The following RBFOX1 variants were observed in gnomAD, a reference collection of about 807,000 sequenced individuals.
RBFOX1 encodes RNA binding fox-1 homolog 1, also known as RNA binding protein fox-1 homolog 1.
RBFOX1 carries 8 observed loss-of-function variants against 57.7 expected under a neutral mutation model. That is an observed-to-expected ratio of 0.14 (90% CI 0.08 to 0.25). The LOEUF is 0.25. RBFOX1 is among the 10% of genes least tolerant of loss of function. The pLI, the probability that RBFOX1 is intolerant of heterozygous loss-of-function variation, is 1.00. For missense variants in RBFOX1, 611 were observed against 548.5 expected (o/e 1.11, Z -1.14); for synonymous variants, 326 against 222.4 (o/e 1.47, Z -4.15).
chr16:7,157,804 C>G (rs1256867873), intron 4 of RBFOX1, among the ~76,000 whole-genome samples: 4 of 152,030 alleles, frequency 2.6e-5, no homozygotes, highest in Non-Finnish European at 5.9e-5. Context: ...ACATGTTTTC[C>G]CTTTGGTTTT....
At chr16:6,520,836 A>T (rs1433033738) in intron 2 of RBFOX1, among the ~76,000 whole-genome samples, 4 of 152,160 alleles carry the variant, frequency 2.6e-5, no homozygotes, top group African/African-American at 9.7e-5. Flanking sequence ...GGGAACTTCC[A>T]AAAAGGACTT....
chr16:6,764,703 G>A (rs1299357746), intron 3 of RBFOX1, among the ~76,000 whole-genome samples: 1 of 152,186 alleles, frequency 6.6e-6, no homozygotes, highest in South Asian at 2.1e-4. Flanking sequence ...TTTGGAGGCT[G>A]AGGCGGGTAG....
chr16:6,557,594 G>A (rs1268482434), intron 2 of RBFOX1, among the ~76,000 whole-genome samples: 2 of 152,196 alleles, frequency 1.3e-5, no homozygotes, highest in Admixed American at 1.3e-4. Flanking sequence ...TGTTGCCGAA[G>A]TCCTGTTGAA....
chr16:7,623,700 C>G (rs1186010477), intron 10 of RBFOX1, among the ~76,000 whole-genome samples: 1 of 152,138 alleles, frequency 6.6e-6, no homozygotes, highest in East Asian at 1.9e-4. Flanking sequence ...CTGGCTTAAA[C>G]AACAGAAATT....
chr16:6,126,283 T>C (rs2096589210), intron 1 of RBFOX1, among the ~76,000 whole-genome samples: 1 of 152,222 alleles, frequency 6.6e-6, no homozygotes, highest in Non-Finnish European at 1.5e-5. Flanking sequence ...TGACCTAACC[T>C]TCGCAGGCCG....
Position 6,826,173 on chromosome 16 carries a change from C to T in RBFOX1, c.-16+171523C>T, listed in dbSNP as rs113324828. ...CTCATCTGGAGAAGACAGGACTCAT[C>T]GTCGCCACGTAGGTTGTATGTATTG... On this transcript the variant is annotated intron_variant, in intron 3 of 15. Transcript: ENST00000550418. 9.5e-4 allele frequency among the ~76,000 whole-genome samples: 144 copies of T among 152,198 alleles called. 1 individual carries two copies. The highest frequency in any genetic ancestry group is 3.2e-3 in the African/African-American group (131 of 41,532).
chr16:7,011,915 C>T (rs2093671960), intron 3 of RBFOX1, among the ~76,000 whole-genome samples: 1 of 152,204 alleles, frequency 6.6e-6, no homozygotes. Context: ...TCTTCCACCC[C>T]ATCTTCTGCA....
chr16:5,969,343 T>C (rs1344638505), intron 4 of RBFOX1, among the ~76,000 whole-genome samples: 1 of 130,434 alleles, frequency 7.7e-6, no homozygotes, highest in Non-Finnish European at 1.6e-5. Flanking sequence ...ATGGAGTCTC[T>C]CACTGTCACC....
chr16:7,369,434 G>T (rs1047600778), intron 4 of RBFOX1, among the ~76,000 whole-genome samples: 3 of 152,036 alleles, frequency 2.0e-5, no homozygotes, highest in Non-Finnish European at 4.4e-5. Flanking sequence ...TAATTCATCT[G>T]TTTGGATGGA....
At chr16:5,666,175 C>T (rs79287549) in intron 3 of RBFOX1, among the ~76,000 whole-genome samples, 5,973 of 152,244 alleles carry the variant, frequency 0.039, 405 homozygotes, top group African/African-American at 0.14. Context: ...ATCATGGATA[C>T]GGAGGCAGCT....
chr16:6,486,658 TA>T (rs201680552), intron 2 of RBFOX1, among the ~76,000 whole-genome samples: 11 of 142,982 alleles, frequency 7.7e-5, no homozygotes, highest in South Asian at 2.2e-4. Flanking sequence ...TTAATTTTAT[TA>T]TTTTTTTTTT....
chr16:6,855,693 C>G (rs922380485), intron 3 of RBFOX1, among the ~76,000 whole-genome samples: 4 of 151,502 alleles, frequency 2.6e-5, no homozygotes, highest in African/African-American at 4.9e-5. Flanking sequence ...GGAGAGTTAT[C>G]TCAGCGATCG....
intron 2 of RBFOX1, among the ~76,000 whole-genome samples, chr16:5,594,087 C>A (rs887364164): frequency 6.6e-6 from 1 of 152,038 alleles, no homozygotes; most frequent in Non-Finnish European, 1.5e-5. Flanking sequence ...GTTTTACTGG[C>A]GCCATCATTG....
chr16:7,267,028 C>T (rs1017356945), intron 4 of RBFOX1, among the ~76,000 whole-genome samples: 1 of 152,152 alleles, frequency 6.6e-6, no homozygotes, highest in Non-Finnish European at 1.5e-5. Flanking sequence ...GGTGAGCCAG[C>T]GGGGTAGACA....
At chr16:7,313,361 C>T (rs2096364138) in intron 4 of RBFOX1, among the ~76,000 whole-genome samples, 1 of 152,060 alleles carries the variant, frequency 6.6e-6, no homozygotes, top group Non-Finnish European at 1.5e-5. Context: ...CTTCATGGTG[C>T]AGTGGCAGAA....
chr16:6,022,772 T>A (rs1405616518), intron 1 of RBFOX1, among the ~76,000 whole-genome samples: 2 of 152,206 alleles, frequency 1.3e-5, no homozygotes, highest in Admixed American at 1.3e-4. Flanking sequence ...TATAAACATA[T>A]AAACATCTGT....
intron 1 of RBFOX1, among the ~76,000 whole-genome samples, chr16:5,286,888 G>C (rs34158523): frequency 0.43 from 66,163 of 152,144 alleles, 14,789 homozygotes; most frequent in Non-Finnish European, 0.5. Context: ...GGCCAGATTT[G>C]GCCCTTGGTC....
intron 2 of RBFOX1, among the ~76,000 whole-genome samples, chr16:6,573,504 T>A (rs75648443): frequency 0.034 from 5,180 of 152,322 alleles, 299 homozygotes; most frequent in African/African-American, 0.12. Flanking sequence ...TAAAAAATTC[T>A]TCTGATTTAC....
chr16:5,410,855 C>T (rs1165241250), intron 1 of RBFOX1, among the ~76,000 whole-genome samples: 9 of 152,320 alleles, frequency 5.9e-5, no homozygotes, highest in East Asian at 5.8e-4. Context: ...GAGTCATATA[C>T]GCATGGATTT....
Sources: gnomAD v4.1 joint callset for allele counts (sites outside exome capture counted in the v4.1 genomes callset) on GRCh38, gnomAD v4.1.1 for gene constraint, MANE v1.5 for transcripts, NCBI Gene and HGNC (gene_info 2026-07-23, HGNC 2026-07-21) for gene names.